The following TUT4 variants were observed in gnomAD, a reference collection of about 807,000 sequenced individuals.
TUT4 encodes the protein terminal uridylyl transferase 4.
A neutral mutation model predicts 192.2 loss-of-function variants in TUT4; 36 were observed. The observed-to-expected ratio is 0.19, with a 90% CI of 0.14 to 0.25. The LOEUF is 0.25. Ranked by LOEUF, TUT4 falls within the 10% of genes least tolerant of loss-of-function variation. TUT4 has a pLI of 1.00. For synonymous variants in TUT4, 618 were observed against 666.0 expected, an observed-to-expected ratio of 0.93 and a Z score of 1.11; for missense variants, 1,493 against 1,957.2, an observed-to-expected ratio of 0.76 and a Z score of 4.47.
At chr1:52,457,371 G>C (rs1044459099) in intron 20 of TUT4, among the ~76,000 whole-genome samples, 2 of 151,964 alleles carry the variant, frequency 1.3e-5, no homozygotes, top group Admixed American at 6.6e-5. Flanking sequence ...GAGTAGCTGG[G>C]ATTACAGGCA....
intron 28 of TUT4, among the ~76,000 whole-genome samples, chr1:52,427,362 T>TA (rs1359899570): frequency 6.6e-5 from 10 of 152,042 alleles, no homozygotes; most frequent in Middle Eastern, 3.4e-3. Context: ...AGGAACAACT[T>TA]AGATAAGCAA....
chr1:52,542,289 T>G (rs1686901363), intron 1 of TUT4, among the ~76,000 whole-genome samples: 1 of 152,132 alleles, frequency 6.6e-6, no homozygotes, highest in East Asian at 1.9e-4. Context: ...TGCACAATAA[T>G]GTAAATAAAT....
intron 2 of TUT4, among the ~76,000 whole-genome samples, chr1:52,525,136 G>A (rs922488804): frequency 2.7e-5 from 4 of 149,864 alleles, no homozygotes; most frequent in Admixed American, 2.6e-4. Flanking sequence ...TTGAAGTTTA[G>A]GGCTATGGGT....
intron 7 of TUT4, 138 bp from the exon 8 acceptor site, chr1:52,490,939 A>G: frequency 1.4e-6 from 1 of 719,690 alleles, no homozygotes. Flanking sequence ...CATTATGAGC[A>G]CCAACCCAGC....
chr1:52,479,949 C>G (rs1158740325), intron 11 of TUT4, among the ~76,000 whole-genome samples: 2 of 142,784 alleles, frequency 1.4e-5, no homozygotes, highest in Non-Finnish European at 3.0e-5. Context: ...GAACTGAGAT[C>G]GTGCCACTGC....
intron 9 of TUT4, among the ~76,000 whole-genome samples, chr1:52,487,366 C>T (rs1434324676): frequency 6.6e-6 from 1 of 151,978 alleles, no homozygotes; most frequent in Non-Finnish European, 1.5e-5. Context: ...GCAGGAGGAT[C>T]GCTTGAGCCT....
At chr1:52,448,608 AAAAAAG>A (rs1658332199) in intron 20 of TUT4, among the ~76,000 whole-genome samples, 6 of 151,630 alleles carry the variant, frequency 4.0e-5, no homozygotes, top group African/African-American at 1.4e-4. Flanking sequence ...AAAAAAAAAA[AAAAAAG>A]AGGCAATTGC....
At chr1:52,483,313 AGAT>A (rs1356262925) in intron 9 of TUT4, among the ~76,000 whole-genome samples, 1 of 152,226 alleles carries the variant, frequency 6.6e-6, no homozygotes, top group Admixed American at 6.5e-5. Flanking sequence ...TTTTAATTAT[AGAT>A]AATAACCCTT....
Position 52,466,645 on chromosome 1 carries a change from CAAAA to C in TUT4, c.2966-1476_2966-1473del, listed in dbSNP as rs71579929. Among the ~76,000 whole-genome samples, 769 of 118,306 alleles carry C rather than the reference CAAAA, an allele frequency of 6.5e-3. 10 individuals carry two copies. The highest frequency in any genetic ancestry group is 0.022 in the African/African-American group (635 of 28,600). 77.6% of individuals were successfully genotyped at this position (118,306 alleles called of 152,430 possible). A position where few individuals can be genotyped will look rare whatever the true frequency, so the allele number is the denominator to read the frequency against. On this transcript the variant is annotated intron_variant, in intron 15 of 29. Coordinates refer to ENST00000257177, the MANE Select transcript of TUT4 (RefSeq NM_001009881.3). ...CGGGTGACAGAGTAATATCCTATTTCAAAAAAAAAAAAAAATATATATATATATA... is the reference window on the plus strand; with the variant it reads ...CGGGTGACAGAGTAATATCCTATTTCAAAAAAAAAAATATATATATATATA...
chr1:52,431,165 G>A lies in TUT4; in HGVS notation c.4559C>T (p.Ala1520Val). The change falls in exon 28 of 30, where the codon GCC becomes GTC. Residue 1520 changes from alanine to valine, a missense_variant. By Grantham distance (64) the Ala-to-Val change is moderately conservative. This residue lies in a region of TUT4 where 351 missense variants were observed against 397.8 expected (regional missense o/e 0.88). Transcript: ENST00000257177. Reference protein sequence around the residue: ...GPVIHSAPGSAPSNIGLNDPS... With the variant: ...GPVIHSAPGSVPSNIGLNDPS... ...ATCATTTAGGCCAATATTGCTGGGGGCACTGCCTGGTGCAGAGTGGATCAC... is the reference window on the plus strand; with the variant it reads ...ATCATTTAGGCCAATATTGCTGGGGACACTGCCTGGTGCAGAGTGGATCAC... The A allele has an allele frequency of 1.2e-6, 2 of 1,614,228 alleles. No individual in the cohort carries two copies. Among genetic ancestry groups the A allele is most frequent in the Non-Finnish European group, 8.5e-7 (1 of 1,180,036 alleles).
intron 1 of TUT4, among the ~76,000 whole-genome samples, chr1:52,527,383 TA>T (rs1364758094): frequency 1.3e-5 from 2 of 151,862 alleles, no homozygotes; most frequent in Admixed American, 1.3e-4. Context: ...CTGTCTCTAC[TA>T]AAAACACAAA....
intron 14 of TUT4, among the ~76,000 whole-genome samples, 199 bp downstream of exon 14, chr1:52,471,753 A>G (rs1263971696): frequency 6.6e-6 from 1 of 152,142 alleles, no homozygotes; most frequent in Non-Finnish European, 1.5e-5. Context: ...AAAGCAATAT[A>G]TATGGACTCT....
chr1:52,503,694 C>T (rs1214464241), intron 4 of TUT4, among the ~76,000 whole-genome samples: 3 of 152,208 alleles, frequency 2.0e-5, no homozygotes, highest in Non-Finnish European at 4.4e-5. Context: ...GCTGAGACTA[C>T]AGGCACCAAA....
chr1:52,425,359 G>C lies in TUT4; in HGVS notation c.4860C>G (p.Phe1620Leu). The change falls in exon 29 of 30, where the codon TTC (phenylalanine) becomes TTG (leucine). Residue 1620 changes from phenylalanine (F) to leucine (L), a missense_variant. Around this residue, in one of 7 missense-constraint regions of TUT4, gnomAD observed 351 missense variants for 397.8 expected, o/e 0.88. Coordinates refer to ENST00000257177, the MANE Select transcript of TUT4 (RefSeq NM_001009881.3). The part of the protein sequence containing the change: ...GNARFQPNKP[F>L]YTQDRCATRR... ...TGTAAGCAGTGGTACCTTGAGTATAGAAAGGTTTGTTGGGCTGGAATCGGG... is the reference window on the plus strand; with the variant it reads ...TGTAAGCAGTGGTACCTTGAGTATACAAAGGTTTGTTGGGCTGGAATCGGG... The C allele has an allele frequency of 6.2e-7, 1 of 1,613,700 alleles. No individual in the cohort carries two copies. Among genetic ancestry groups the C allele is most frequent in the Non-Finnish European group, 8.5e-7 (1 of 1,179,780 alleles).
intron 3 of TUT4, 108 bp from the exon 4 acceptor site, chr1:52,509,820 G>A (rs1676611737): frequency 1.3e-6 from 1 of 750,380 alleles, no homozygotes; most frequent in Non-Finnish European, 2.3e-6. Context: ...AATAAGCACT[G>A]AAGGTTTTTT....
intron 4 of TUT4, among the ~76,000 whole-genome samples, chr1:52,503,862 T>C (rs1471097526): frequency 6.6e-6 from 1 of 152,216 alleles, no homozygotes; most frequent in East Asian, 1.9e-4. Flanking sequence ...CTTCCTCTAC[T>C]AGTCCCTTAA....
intron 12 of TUT4, among the ~76,000 whole-genome samples, chr1:52,475,851 T>G (rs1222326714): frequency 6.6e-6 from 1 of 152,158 alleles, no homozygotes; most frequent in Non-Finnish European, 1.5e-5. Context: ...AAGGAGTTTT[T>G]TTTTTTCTTT....
chr1:52,489,354 C>A (rs940024258), intron 8 of TUT4, among the ~76,000 whole-genome samples: 8 of 152,198 alleles, frequency 5.3e-5, no homozygotes, highest in African/African-American at 1.9e-4. Context: ...AACTGATATA[C>A]ATGAGAGACA....
chr1:52,503,530 C>T (rs1674728275), intron 4 of TUT4, among the ~76,000 whole-genome samples: 1 of 152,122 alleles, frequency 6.6e-6, no homozygotes, highest in Admixed American at 6.5e-5. Flanking sequence ...AAAGCAGAAA[C>T]TGTTCTTCCC....
Sources: gnomAD v4.1 joint callset for allele counts (sites outside exome capture counted in the v4.1 genomes callset) on GRCh38, gnomAD v4.1.1 for gene constraint, gnomAD v4.1.1 regional missense constraint, MANE v1.5 for transcripts, NCBI Gene and HGNC (gene_info 2026-07-23, HGNC 2026-07-21) for gene names.